NFASC: variants seen among roughly 807,000 people sequenced by gnomAD.
NFASC encodes the protein neurofascin.
In NFASC, 43 loss-of-function variants were observed where a neutral mutation model predicts 147.5. The ratio of observed to expected loss-of-function variants is 0.29; its 90% CI spans 0.23 to 0.38. NFASC has a LOEUF of 0.38. Ranked by LOEUF, NFASC falls within the 10% of genes least tolerant of loss-of-function variation. The probability of loss-of-function intolerance (pLI) is 1.00; values close to 1 mark genes in which losing one functional copy is unlikely to be tolerated. For synonymous variants in NFASC, 622 were observed against 665.5 expected (o/e 0.93, Z 1.01); for missense variants, 1,320 against 1,689.0 (o/e 0.78, Z 3.83).
At position 204,868,693 on chromosome 1, in the gene NFASC, T is replaced by C. The variant is rs12407230; in HGVS notation, c.-200+39911T>C. ...AAAAGCCGCAGGAACTGCAAAGCGATGGCTTCCAACACTGAGCTGAGCTCA... is the reference window on the plus strand; with the variant it reads ...AAAAGCCGCAGGAACTGCAAAGCGACGGCTTCCAACACTGAGCTGAGCTCA... On this transcript the variant is annotated intron_variant, in intron 1 of 29. Coordinates refer to ENST00000339876, the MANE Select transcript of NFASC (RefSeq NM_001005388.3). Among the ~76,000 whole-genome samples, 2,761 of 152,276 alleles carry C rather than the reference T, an allele frequency of 0.018. 154 individuals are homozygous for C. In the East Asian group the frequency reaches 0.2, roughly 11 times the overall value.
At chr1:204,970,224 C>G (rs1169553998) in intron 10 of NFASC, among the ~76,000 whole-genome samples, 1 of 152,158 alleles carries the variant, frequency 6.6e-6, no homozygotes, top group Non-Finnish European at 1.5e-5. Flanking sequence ...CCTTCCCTAG[C>G]AGTGGAGCCA....
intron 1 of NFASC, among the ~76,000 whole-genome samples, chr1:204,852,424 T>C (rs12405298): frequency 0.19 from 29,225 of 152,176 alleles, 4,065 homozygotes; most frequent in East Asian, 0.53. Flanking sequence ...CTCTGGAACC[T>C]GGGAGACAGA....
At chr1:204,880,086 C>T (rs201715852) in intron 1 of NFASC, among the ~76,000 whole-genome samples, 1 of 152,114 alleles carries the variant, frequency 6.6e-6, no homozygotes, top group Admixed American at 6.5e-5. Flanking sequence ...ATCTCAGTAG[C>T]AGGGGGAGTG....
intron 25 of NFASC, chr1:204,997,927 C>A (rs977730087): frequency 6.1e-6 from 1 of 163,388 alleles, no homozygotes; most frequent in African/African-American, 2.4e-5. Context: ...TTCCCAGAAC[C>A]CCTGTCCCTT....
intron 1 of NFASC, among the ~76,000 whole-genome samples, chr1:204,886,838 G>A (rs16854621): frequency 0.12 from 17,499 of 151,964 alleles, 2,909 homozygotes; most frequent in African/African-American, 0.36. Context: ...AGACTTCTTA[G>A]CATGACTGTA....
chr1:204,911,797 A>G (rs1230869424), intron 1 of NFASC, among the ~76,000 whole-genome samples: 1 of 152,036 alleles, frequency 6.6e-6, no homozygotes, highest in East Asian at 1.9e-4. Flanking sequence ...TATTAATTTC[A>G]TTTTCTTAAT....
intron 1 of NFASC, among the ~76,000 whole-genome samples, chr1:204,858,288 C>T (rs1275864626): frequency 6.6e-6 from 1 of 152,078 alleles, no homozygotes; most frequent in Non-Finnish European, 1.5e-5. Flanking sequence ...CTCCTTTTAC[C>T]TTAATTACCT....
At chr1:204,878,758 G>C (rs1227093976) in intron 1 of NFASC, among the ~76,000 whole-genome samples, 1 of 152,226 alleles carries the variant, frequency 6.6e-6, no homozygotes, top group Non-Finnish European at 1.5e-5. Context: ...TTTTGGAAGA[G>C]GGTAGGAGAG....
In NFASC at chr1:204,978,971, G is replaced by C; in HGVS notation, c.1880G>C (p.Arg627Pro). The C allele has an allele frequency of 1.3e-6, 2 of 1,552,808 alleles. No homozygotes were observed. The highest frequency in any genetic ancestry group is 1.7e-6 in the Non-Finnish European group (2 of 1,147,628). ...GCGTGGTGTCTTCTGCCACCAGGAC[G>C]GCCAGACCGGCCCCGGGACCTGGAG... ...TNRLAALPKGRPDRPRDLELT... is the reference protein window; with the variant it reads ...TNRLAALPKGPPDRPRDLELT... The change falls in exon 18 of 30, where the codon CGG (arginine) becomes CCG (proline). Residue 627 changes from arginine to proline, a missense_variant. This residue lies in a region of NFASC where 981 missense variants were observed against 1,289.5 expected (regional missense o/e 0.76). Coordinates refer to ENST00000339876, the MANE Select transcript of NFASC (RefSeq NM_001005388.3).
In NFASC at chr1:204,976,805, C is replaced by T; in HGVS notation, c.1831+10C>T. On this transcript the variant is annotated intron_variant, in intron 16 of 29. Coordinates refer to ENST00000339876, the MANE Select transcript of NFASC (RefSeq NM_001005388.3). ...TACCTCACCGTGCTAGGTAACTGCC[C>T]ATGCTCACCCTGGCACTGACCAGCC... The T allele has an allele frequency of 1.2e-6, 2 of 1,611,986 alleles. No individual in the cohort carries two copies. Among genetic ancestry groups the T allele is most frequent in the Non-Finnish European group, 1.7e-6 (2 of 1,178,888 alleles).
chr1:204,890,791 A>G (rs2082236165), intron 1 of NFASC, among the ~76,000 whole-genome samples: 1 of 152,068 alleles, frequency 6.6e-6, no homozygotes, highest in East Asian at 1.9e-4. Context: ...GCTGGTTTCT[A>G]ACTTCTGACC....
At chr1:204,860,472 G>T (rs552745155) in intron 1 of NFASC, among the ~76,000 whole-genome samples, 15 of 152,324 alleles carry the variant, frequency 9.8e-5, no homozygotes, top group Non-Finnish European at 1.8e-4. Context: ...GCCTGTGAGA[G>T]CTGCCAACCA....
chr1:204,935,853 A>C (rs1487800385), intron 2 of NFASC, among the ~76,000 whole-genome samples: 1 of 152,164 alleles, frequency 6.6e-6, no homozygotes, highest in Non-Finnish European at 1.5e-5. Context: ...CACTGGGCAC[A>C]GGGTTTTTGA....
intron 1 of NFASC, among the ~76,000 whole-genome samples, chr1:204,907,700 C>G (rs1268379986): frequency 6.6e-6 from 1 of 152,210 alleles, no homozygotes; most frequent in African/African-American, 2.4e-5. Context: ...TCTCCTCTTG[C>G]TAGTGGCTTC....
intron 21 of NFASC, among the ~76,000 whole-genome samples, chr1:204,984,537 CAT>C (rs1388928062): frequency 6.6e-6 from 1 of 151,898 alleles, no homozygotes; most frequent in South Asian, 2.1e-4. Flanking sequence ...AGTGGGCACA[CAT>C]GTATCTTCAG....
intron 1 of NFASC, among the ~76,000 whole-genome samples, chr1:204,872,754 G>A (rs912958117): frequency 6.6e-6 from 1 of 152,184 alleles, no homozygotes; most frequent in Admixed American, 6.5e-5. Flanking sequence ...GAATTGGTGA[G>A]ATGGCCTCCC....
intron 24 of NFASC, among the ~76,000 whole-genome samples, chr1:204,994,791 G>C (rs1384026775): frequency 1.3e-5 from 2 of 152,150 alleles, no homozygotes; most frequent in African/African-American, 2.4e-5. Context: ...CATGAGAAGG[G>C]CTACCTTGTA....
At chr1:204,864,985 G>A (rs2076995553) in intron 1 of NFASC, among the ~76,000 whole-genome samples, 1 of 152,154 alleles carries the variant, frequency 6.6e-6, no homozygotes, top group Admixed American at 6.5e-5. Flanking sequence ...GTGCATTGGT[G>A]TTACATCTAA....
chr1:204,844,930 G>A (rs923794359), intron 1 of NFASC, among the ~76,000 whole-genome samples: 7 of 152,042 alleles, frequency 4.6e-5, no homozygotes, highest in African/African-American at 9.7e-5. Context: ...GTAGCTGCAG[G>A]CATATCCCCC....
Sources: allele counts gnomAD v4.1 joint callset (sites outside exome capture counted in the v4.1 genomes callset), GRCh38; gene constraint gnomAD v4.1.1; regional missense constraint gnomAD v4.1.1; transcripts MANE v1.5; gene names NCBI Gene and HGNC (gene_info 2026-07-23, HGNC 2026-07-21).